ITFG1: variants seen among roughly 807,000 people sequenced by gnomAD.
ITFG1 encodes the protein T-cell immunomodulatory protein.
Under a neutral mutation model 81.8 loss-of-function variants are expected in ITFG1, and 34 were observed. The ratio of observed to expected loss-of-function variants is 0.42; its 90% CI spans 0.32 to 0.55. The LOEUF (loss-of-function observed/expected upper bound fraction) is 0.55. Among genes scored for constraint, ITFG1 ranks in the 20% least tolerant of loss-of-function variants. The probability of loss-of-function intolerance (pLI) is 0.17; values close to 1 mark genes in which losing one functional copy is unlikely to be tolerated. For synonymous variants in ITFG1, 285 were observed against 270.6 expected (o/e 1.05, Z -0.52); for missense variants, 672 against 755.4 (o/e 0.89, Z 1.29).
chr16:47,202,181 A>G (rs1359843227), intron 14 of ITFG1: 1 of 152,232 alleles, frequency 6.6e-6, no homozygotes, highest in Admixed American at 6.5e-5. Context: ...TCTTTAATAA[A>G]TACTTTATAA....
intron 5 of ITFG1, among the ~76,000 whole-genome samples, chr16:47,444,725 T>A (rs1377668919): frequency 6.6e-6 from 1 of 152,162 alleles, no homozygotes; most frequent in African/African-American, 2.4e-5. Flanking sequence ...ATGCAAAAGC[T>A]TTATCTACGA....
At chr16:47,353,524 TA>T (rs923277972) in intron 8 of ITFG1, among the ~76,000 whole-genome samples, 6 of 151,218 alleles carry the variant, frequency 4.0e-5, no homozygotes, top group Non-Finnish European at 7.4e-5. Context: ...CCACTTGTAT[TA>T]AAAAAAAATT....
chr16:47,431,754 C>T (rs893239881), intron 5 of ITFG1, among the ~76,000 whole-genome samples: 9 of 152,138 alleles, frequency 5.9e-5, no homozygotes, highest in Non-Finnish European at 1.0e-4. Context: ...CACAAAGTTT[C>T]CATTTATCTC....
intron 14 of ITFG1, among the ~76,000 whole-genome samples, chr16:47,187,525 T>G (rs1965237131): frequency 6.6e-6 from 1 of 152,176 alleles, no homozygotes; most frequent in African/African-American, 2.4e-5. Flanking sequence ...GATTCCCTAT[T>G]TAATAAATGG....
At position 47,287,599 on chromosome 16, in the gene ITFG1, C is replaced by T. The variant is rs567130272; in HGVS notation, c.1070+23641G>A. On this transcript the variant is annotated intron_variant, in intron 10 of 17. Coordinates refer to ENST00000320640, the MANE Select transcript of ITFG1 (RefSeq NM_030790.5). ...ATTTTTTTTTGTAGAGACAGGGCCT[C>T]ACTATGTTATCCAGGCTGGTCTTGA... Among the ~76,000 whole-genome samples, 11 of 152,036 alleles carry T rather than the reference C, an allele frequency of 7.2e-5. No homozygotes were observed. In the East Asian group the frequency reaches 1.9e-3, roughly 27 times the overall value.
rs1054626484 is a variant in ITFG1 at position 47,450,512 on chromosome 16, A to T, written c.560+884T>A. Reference sequence around the variant, plus strand: ...AGTGTCTCTTCAGAATACCTTAAAAATTTTCACAATTTACTCCTCTGCATA... The same window carrying T: ...AGTGTCTCTTCAGAATACCTTAAAATTTTTCACAATTTACTCCTCTGCATA... On this transcript the variant is annotated intron_variant, in intron 5 of 17. Coordinates refer to ENST00000320640, the MANE Select transcript of ITFG1 (RefSeq NM_030790.5). 8.4e-5 allele frequency: 28 copies of T among 334,014 alleles called. No homozygotes were observed. The Admixed American group carries it at 9.8e-4, about 12-fold the overall frequency. 20.7% of individuals were successfully genotyped at this position (334,014 alleles called of 1,614,324 possible).
At chr16:47,438,224 C>T (rs560526489) in intron 5 of ITFG1, among the ~76,000 whole-genome samples, 1 of 152,336 alleles carries the variant, frequency 6.6e-6, no homozygotes, top group East Asian at 1.9e-4. Flanking sequence ...CTCAAGGAGG[C>T]CTGCCTGCCT....
chr16:47,299,983 T>A (rs1211562104), intron 10 of ITFG1: 1 of 152,306 alleles, frequency 6.6e-6, no homozygotes, highest in Non-Finnish European at 1.5e-5. Flanking sequence ...GGTTGCCACT[T>A]GTGTTTCAGA....
At chr16:47,315,447 C>T (rs1318607591) in intron 8 of ITFG1, among the ~76,000 whole-genome samples, 1 of 151,962 alleles carries the variant, frequency 6.6e-6, no homozygotes, top group Non-Finnish European at 1.5e-5. Context: ...AATGGGAGAA[C>T]AATTTGAAGA....
rs1965831825 is a variant in ITFG1 at position 47,232,912 on chromosome 16, G to GGT, written c.1374+5052_1374+5053insAC. Among the ~76,000 whole-genome samples, 8 of 152,062 alleles carry GGT rather than the reference G, an allele frequency of 5.3e-5. No individual in the cohort carries two copies. The South Asian group carries it at 1.7e-3, about 32-fold the overall frequency. On this transcript the variant is annotated intron_variant, in intron 13 of 17. Transcript: ENST00000320640. Reference sequence around the variant, plus strand: ...TGCCTCGACCTCCCAAAGTGCTGGGGTTACAAGCATAAACCACTGTGCCCA... The same window carrying GGT: ...TGCCTCGACCTCCCAAAGTGCTGGGGGTTTACAAGCATAAACCACTGTGCCCA...
At chr16:47,446,369 A>G (rs537141025) in intron 5 of ITFG1, among the ~76,000 whole-genome samples, 2 of 152,334 alleles carry the variant, frequency 1.3e-5, no homozygotes, top group Admixed American at 6.5e-5. Context: ...CCTCTCAGCA[A>G]TAATGTCTCA....
intron 7 of ITFG1, among the ~76,000 whole-genome samples, chr16:47,374,714 C>T (rs941818726): frequency 1.3e-5 from 2 of 151,942 alleles, no homozygotes; most frequent in African/African-American, 4.8e-5. Context: ...AAAAGTAGTA[C>T]ATTAAATAAG....
chr16:47,229,821 G>A (rs1965796084), intron 13 of ITFG1, among the ~76,000 whole-genome samples: 1 of 152,156 alleles, frequency 6.6e-6, no homozygotes, highest in South Asian at 2.1e-4. Flanking sequence ...TCAGGAAAGT[G>A]GTTGAGATCA....
chr16:47,166,242 T>C (rs1018051600), intron 14 of ITFG1, among the ~76,000 whole-genome samples: 1 of 152,260 alleles, frequency 6.6e-6, no homozygotes, highest in African/African-American at 2.4e-5. Context: ...TTATTTTGTC[T>C]ACATGACATC....
At chr16:47,234,214 TA>T (rs1395297429) in intron 13 of ITFG1, among the ~76,000 whole-genome samples, 4 of 152,150 alleles carry the variant, frequency 2.6e-5, no homozygotes, top group Admixed American at 2.0e-4. Flanking sequence ...ACCAGGAATT[TA>T]AAATAACTAT....
intron 5 of ITFG1, among the ~76,000 whole-genome samples, chr16:47,440,005 T>C (rs1397598973): frequency 6.6e-6 from 1 of 151,444 alleles, no homozygotes; most frequent in East Asian, 1.9e-4. Context: ...ACAAAGCAAA[T>C]GGAAAACAAA....
At chr16:47,411,422 G>A (rs1033427617) in intron 6 of ITFG1, among the ~76,000 whole-genome samples, 1 of 152,196 alleles carries the variant, frequency 6.6e-6, no homozygotes, top group East Asian at 1.9e-4. Flanking sequence ...CTGGTGGAGG[G>A]AGGGTGTGCT....
At chr16:47,316,033 C>T (rs903005957) in intron 8 of ITFG1, among the ~76,000 whole-genome samples, 1 of 152,024 alleles carries the variant, frequency 6.6e-6, no homozygotes, top group Non-Finnish European at 1.5e-5. Flanking sequence ...TCAAGAGATC[C>T]GCCTGCCCTG....
chr16:47,294,260 T>C (rs866112455), intron 10 of ITFG1, among the ~76,000 whole-genome samples: 6 of 152,294 alleles, frequency 3.9e-5, no homozygotes, highest in Middle Eastern at 3.4e-3. Context: ...TTGGTTACTA[T>C]AGCCTTGTAT....
Sources: gnomAD v4.1 joint callset for allele counts (sites outside exome capture counted in the v4.1 genomes callset) on GRCh38, gnomAD v4.1.1 for gene constraint, MANE v1.5 for transcripts, NCBI Gene and HGNC (gene_info 2026-07-23, HGNC 2026-07-21) for gene names.